The following RIF1 variants were observed in gnomAD, a reference collection of about 807,000 sequenced individuals.
The protein encoded by RIF1 is replication timing regulatory factor 1.
A neutral mutation model predicts 247.1 loss-of-function variants in RIF1; 45 were observed. The observed-to-expected ratio is 0.18, with a 90% CI of 0.14 to 0.23. The LOEUF (loss-of-function observed/expected upper bound fraction) is 0.23, where lower values mean the gene tolerates loss of function less well. Among genes scored for constraint, RIF1 ranks in the 10% least tolerant of loss-of-function variants. The pLI is 1.00. For synonymous variants in RIF1, 1,087 were observed against 978.8 expected (o/e 1.11, Z -2.06); for missense variants, 2,967 against 2,862.5 (o/e 1.04, Z -0.83).
chr2:151,467,313 T>C (rs1307141595), intron 30 of RIF1, among the ~76,000 whole-genome samples: 1 of 152,188 alleles, frequency 6.6e-6, no homozygotes, highest in East Asian at 1.9e-4. Context: ...ATTCTTCTGC[T>C]GAGAATCTAG....
At chr2:151,470,832 T>G (rs1481295200) in intron 34 of RIF1, among the ~76,000 whole-genome samples, 1 of 152,288 alleles carries the variant, frequency 6.6e-6, no homozygotes, top group African/African-American at 2.4e-5. Context: ...TCTCACAGAT[T>G]GAATTTAGTT....
chr2:151,413,325 C>G (rs1227171981), intron 3 of RIF1, among the ~76,000 whole-genome samples: 3 of 152,134 alleles, frequency 2.0e-5, no homozygotes, highest in Admixed American at 2.0e-4. Context: ...CCCAGCCTTA[C>G]TGCATACATT....
chr2:151,506,604 G>T (rs964761324), intron 13 of RIF1, among the ~76,000 whole-genome samples: 2 of 152,134 alleles, frequency 1.3e-5, no homozygotes, highest in Non-Finnish European at 2.9e-5. Context: ...TTGGGGGAGG[G>T]ATAACAAAAG....
At position 151,463,890 on chromosome 2, in the gene RIF1, A is replaced by G. The variant is rs201647082; in HGVS notation, c.4370A>G (p.His1457Arg). The change falls in exon 30 of 36, where the codon CAT (histidine) becomes CGT (arginine). Residue 1457 changes from histidine (H) to arginine (R), a missense_variant. Physicochemically the swap from His to Arg is conservative, Grantham distance 29. Around this residue, in one of 7 missense-constraint regions of RIF1, gnomAD observed 2,028 missense variants for 1,825.6 expected, o/e 1.11. Transcript: ENST00000444746. ...AAACCTCTTCAGAAGAGTCCATTGC[A>G]TATAAAAGATGATGTGTTACCTAAA... ...EEKPLQKSPL[H>R]IKDDVLPKQK... The G allele has an allele frequency of 5.0e-6, 8 of 1,613,650 alleles. No individual in the cohort carries two copies. The highest frequency in any genetic ancestry group is 1.1e-5 in the South Asian group (1 of 90,944).
At chr2:151,454,377 A>G (rs1694851325) in intron 21 of RIF1, among the ~76,000 whole-genome samples, 3 of 152,328 alleles carry the variant, frequency 2.0e-5, no homozygotes, top group East Asian at 1.9e-4. Context: ...TCTAGGAAAT[A>G]GTAGACTTAC....
intron 20 of RIF1, among the ~76,000 whole-genome samples, chr2:151,450,313 G>C (rs1694074013): frequency 6.6e-6 from 1 of 152,138 alleles, no homozygotes; most frequent in African/African-American, 2.4e-5. Context: ...TTCATCCTGT[G>C]TTATAACTGT....
Position 151,474,895 on chromosome 2 carries a change from A to G in RIF1, c.7243A>G (p.Lys2415Glu), listed in dbSNP as rs1424995633. ...TGTTGCTTTAGAAATTCCATTATCC[A>G]AAAACCTTCTGGCACAGATTAGTGC... is the stretch of plus-strand genomic sequence containing the variant. ...DPVALEIPLS[K>E]NLLAQISALA... Residue 2415 changes from lysine to glutamate, a missense_variant, in exon 36 of 36, where the codon AAA becomes GAA. By Grantham distance (56) the Lys-to-Glu change is moderately conservative (BLOSUM62 1). Coordinates refer to ENST00000444746, the MANE Select transcript of RIF1 (RefSeq NM_018151.5). 1.9e-6 allele frequency: 3 copies of G among 1,599,412 alleles called. No homozygotes were observed. The highest frequency in any genetic ancestry group is 1.7e-5 in the Admixed American group (1 of 59,890).
At chr2:151,428,567 ATG>A (rs986467723) in intron 8 of RIF1, among the ~76,000 whole-genome samples, 5 of 152,152 alleles carry the variant, frequency 3.3e-5, no homozygotes, top group African/African-American at 9.6e-5. Context: ...TGAGTTTAGA[ATG>A]TGTGTTTAAA....
Position 151,506,889 on chromosome 2 carries a change from AAAAT to A in RIF1, c.*1027+520_*1027+523del, listed in dbSNP as rs1243225003. The A allele has an allele frequency of 9.3e-6, 14 of 1,511,784 alleles. No homozygotes were observed. The highest frequency in any genetic ancestry group is 1.2e-5 in the Non-Finnish European group (13 of 1,089,516). 93.6% of individuals were successfully genotyped at this position (1,511,784 alleles called of 1,614,324 possible). A position where few individuals can be genotyped will look rare whatever the true frequency, so the allele number is the denominator to read the frequency against. ...AAATGACTAGGTTAGCATTAAATGC[AAAAT>A]AAATAGTAAATATACCGAGCTGAAA... On this transcript the variant is annotated intron_variant and NMD_transcript_variant, in intron 13 of 13. Transcript: ENST00000454583.
intron 12 of RIF1, chr2:151,503,390 C>G (rs2066256531): frequency 1.2e-6 from 2 of 1,612,816 alleles, no homozygotes; most frequent in Admixed American, 1.7e-5. Context: ...CTCTCAATCT[C>G]TGGAGTCACA....
At chr2:151,410,278 A>C in intron 1 of RIF1, 136 bp from the exon 2 acceptor site, 2 of 676,682 alleles carry the variant, frequency 3.0e-6, no homozygotes, top group East Asian at 2.7e-5. Flanking sequence ...GGTGATTCGG[A>C]GGCCTGGGGT....
At chr2:151,447,145 G>T (rs999927071) in intron 20 of RIF1, among the ~76,000 whole-genome samples, 1 of 151,532 alleles carries the variant, frequency 6.6e-6, no homozygotes, top group Non-Finnish European at 1.5e-5. Context: ...GGGTTTCACC[G>T]TGTTAGCCAG....
intron 18 of RIF1, among the ~76,000 whole-genome samples, chr2:151,444,804 T>G (rs1461684655): frequency 6.6e-6 from 1 of 152,162 alleles, no homozygotes; most frequent in Non-Finnish European, 1.5e-5. Context: ...TTTTAGAACT[T>G]AAACATAGTG....
chr2:151,424,825 ATTTTTT>A (rs71000475), intron 8 of RIF1, among the ~76,000 whole-genome samples: 22 of 47,286 alleles, frequency 4.7e-4, no homozygotes, highest in South Asian at 1.2e-3. Context: ...AGCCCGGCTG[ATTTTTT>A]TTTTTTTTTT....
At chr2:151,411,369 C>T (rs756912315) in intron 3 of RIF1, 31 bp downstream of exon 3, 10 of 1,343,954 alleles carry the variant, frequency 7.4e-6, no homozygotes, top group South Asian at 2.6e-5. Flanking sequence ...CAGTTTTTCA[C>T]TTTTGGTAGT....
In RIF1 at chr2:151,453,957, A is replaced by C. The variant is rs944146546; in HGVS notation, c.2345-938A>C. ...GAGAAACCTGGTTTTCATTACCCTCAATGTATTTACAACTTGATCATTCAC... is the reference window on the plus strand; with the variant it reads ...GAGAAACCTGGTTTTCATTACCCTCCATGTATTTACAACTTGATCATTCAC... On this transcript the variant is annotated intron_variant, in intron 21 of 35. Transcript: ENST00000444746. 7.2e-5 allele frequency among the ~76,000 whole-genome samples: 11 copies of C among 152,222 alleles called. 1 individual carries two copies. The East Asian group carries it at 2.1e-3, about 29-fold the overall frequency.
At chr2:151,411,479 T>G in intron 3 of RIF1, 141 bp downstream of exon 3, 1 of 564,484 alleles carries the variant, frequency 1.8e-6, no homozygotes, top group Non-Finnish European at 3.2e-6. Flanking sequence ...CTCGGCTCAC[T>G]GAAACCTCCG....
At position 151,446,672 on chromosome 2, in the gene RIF1, C is replaced by T; in HGVS notation, c.2244+97C>T. On this transcript the variant is annotated intron_variant, in intron 20 of 35. Transcript: ENST00000444746. The stretch of plus-strand genomic sequence containing the variant: ...TTTGTGAACTGTCACCTATTACTGC[C>T]TCTATTTATATGTGATAAAGTTGAT... 4.2e-6 allele frequency: 5 copies of T among 1,185,104 alleles called. 1 individual carries two copies. The highest frequency in any genetic ancestry group is 2.6e-5 in the South Asian group (2 of 76,556). 73.4% of individuals were successfully genotyped at this position (1,185,104 alleles called of 1,614,324 possible).
downstream of RIF1, among the ~76,000 whole-genome samples, chr2:151,482,875 C>T (rs1463377802): frequency 6.6e-6 from 1 of 152,114 alleles, no homozygotes; most frequent in African/African-American, 2.4e-5. Context: ...CATACCTCTC[C>T]CCAGCTAGCT....
Sources: allele counts gnomAD v4.1 joint callset (sites outside exome capture counted in the v4.1 genomes callset), GRCh38; gene constraint gnomAD v4.1.1; regional missense constraint gnomAD v4.1.1; transcripts MANE v1.5; gene names NCBI Gene and HGNC (gene_info 2026-07-23, HGNC 2026-07-21).